The following LIN28B variants were observed in gnomAD, a reference collection of about 807,000 sequenced individuals.
The protein encoded by LIN28B is lin-28 RNA binding posttranscriptional regulator B, also known as protein lin-28 homolog B.
A neutral mutation model predicts 21.9 loss-of-function variants in LIN28B; 5 were observed. That is an observed-to-expected ratio of 0.23 (90% confidence interval 0.12 to 0.48). The LOEUF (loss-of-function observed/expected upper bound fraction) is 0.48, where lower values mean the gene tolerates loss of function less well. Ranked by LOEUF, LIN28B falls within the 20% of genes least tolerant of loss-of-function variation. The probability of loss-of-function intolerance (pLI) is 0.98; values close to 1 mark genes in which losing one functional copy is unlikely to be tolerated. For synonymous variants in LIN28B, 109 were observed against 111.3 expected, an observed-to-expected ratio of 0.98 and a Z score of 0.13; for missense variants, 245 against 310.5, an observed-to-expected ratio of 0.79 and a Z score of 1.58.
chr6:104,950,998 AT>A (rs1778214537), intron 3 of LIN28B, among the ~76,000 whole-genome samples: 1 of 152,144 alleles, frequency 6.6e-6, no homozygotes, highest in Non-Finnish European at 1.5e-5. Context: ...AATTTTTCTT[AT>A]CTAGGAAGCT....
chr6:104,997,139 G>A (rs998215202), intron 2 of LIN28B, among the ~76,000 whole-genome samples: 1 of 151,976 alleles, frequency 6.6e-6, no homozygotes, highest in African/African-American at 2.4e-5. Flanking sequence ...AAATTAGCTG[G>A]GCATGGTGGC....
intron 3 of LIN28B, among the ~76,000 whole-genome samples, chr6:105,076,614 G>T (rs13211658): frequency 0.51 from 77,263 of 151,338 alleles, 20,923 homozygotes; most frequent in Non-Finnish European, 0.61. Context: ...CACTTTTTTT[G>T]TTGTTGTTGT....
upstream of LIN28B, among the ~76,000 whole-genome samples, chr6:104,956,172 T>A (rs1778286985): frequency 6.7e-6 from 1 of 150,342 alleles, no homozygotes; most frequent in African/African-American, 2.5e-5. Flanking sequence ...CTCTCCCACC[T>A]CTTTCTTTGA....
At chr6:104,971,071 A>G (rs1357952944) in intron 2 of LIN28B, among the ~76,000 whole-genome samples, 1 of 152,130 alleles carries the variant, frequency 6.6e-6, no homozygotes, top group East Asian at 1.9e-4. Flanking sequence ...TTTAAATTCT[A>G]TTTTAGTGAA....
rs1263032941 is a variant in LIN28B, at chr6:104,991,355, C to T, written c.198+33069C>T. ...CTCAGAGTGGGCGGCCGGGCAGAGACGCTCCTCACCTCCCAGACGGGGTCG... is the reference window on the plus strand; with the variant it reads ...CTCAGAGTGGGCGGCCGGGCAGAGATGCTCCTCACCTCCCAGACGGGGTCG... On this transcript the variant is annotated intron_variant, in intron 2 of 3. Transcript: ENST00000345080. Among the ~76,000 whole-genome samples, 6 of 147,808 alleles carry T rather than the reference C, an allele frequency of 4.1e-5. No homozygotes were observed. In the South Asian group the frequency reaches 6.5e-4, roughly 16 times the overall value.
Position 105,080,659 on chromosome 6 carries a change from G to T in LIN28B, c.*1876G>T, listed in dbSNP as rs1772527819. The T allele has an allele frequency of 6.6e-6, 1 of 152,642 alleles. No homozygotes were observed. 9.5% of individuals were successfully genotyped at this position (152,642 alleles called of 1,614,324 possible). A position where few individuals can be genotyped will look rare whatever the true frequency, so the allele number is the denominator to read the frequency against. ...GTAGAGAAGTACTTCCTTGCCTTATGTGAGGATTTCAAACTTATTTAAATT... is the reference window on the plus strand; with the variant it reads ...GTAGAGAAGTACTTCCTTGCCTTATTTGAGGATTTCAAACTTATTTAAATT... On this transcript the variant is annotated 3_prime_UTR_variant, in exon 4 of 4. Coordinates refer to ENST00000345080, the MANE Select transcript of LIN28B (RefSeq NM_001004317.4).
intron 2 of LIN28B, among the ~76,000 whole-genome samples, chr6:104,947,194 G>C (rs1778166256): frequency 6.6e-6 from 1 of 152,052 alleles, no homozygotes; most frequent in Admixed American, 6.6e-5. Flanking sequence ...GCGGGATCTT[G>C]GCTCACTGCA....
chr6:105,006,146 T>A (rs993902950), intron 2 of LIN28B, among the ~76,000 whole-genome samples: 1 of 152,166 alleles, frequency 6.6e-6, no homozygotes, highest in African/African-American at 2.4e-5. Flanking sequence ...CTTTTTGGTG[T>A]ATGACATTTT....
At chr6:105,039,776 T>C (rs1018382085) in intron 3 of LIN28B, among the ~76,000 whole-genome samples, 2 of 152,166 alleles carry the variant, frequency 1.3e-5, no homozygotes, top group African/African-American at 4.8e-5. Context: ...TTTGATGCTA[T>C]TTTGAATGAA....
chr6:105,051,118 GA>G (rs893992992), intron 3 of LIN28B, among the ~76,000 whole-genome samples: 1 of 150,888 alleles, frequency 6.6e-6, no homozygotes, highest in Non-Finnish European at 1.5e-5. Flanking sequence ...ATATCTAAAA[GA>G]AAAAAATGTA....
upstream of LIN28B, among the ~76,000 whole-genome samples, chr6:104,956,613 AT>A (rs1778294116): frequency 6.6e-6 from 1 of 152,178 alleles, no homozygotes; most frequent in Admixed American, 6.5e-5. Context: ...TAGATCTTTT[AT>A]AAATTATATA....
intron 2 of LIN28B, among the ~76,000 whole-genome samples, chr6:105,011,583 C>T (rs1224733100): frequency 1.3e-5 from 2 of 152,194 alleles, no homozygotes; most frequent in Non-Finnish European, 2.9e-5. Context: ...AGCAACTGCT[C>T]TTGTTAAAAA....
intron 2 of LIN28B, among the ~76,000 whole-genome samples, chr6:105,020,584 G>T (rs1179997325): frequency 1.3e-5 from 2 of 151,818 alleles, no homozygotes; most frequent in Admixed American, 6.6e-5. Flanking sequence ...CTCCCAAAGT[G>T]CTGGGATTAC....
At chr6:104,974,239 C>G (rs1437742228) in intron 2 of LIN28B, among the ~76,000 whole-genome samples, 1 of 151,924 alleles carries the variant, frequency 6.6e-6, no homozygotes, top group Non-Finnish European at 1.5e-5. Flanking sequence ...ACCCGTAATC[C>G]TAGCACTTTG....
chr6:105,034,874 C>T (rs1450808511), intron 3 of LIN28B, among the ~76,000 whole-genome samples: 1 of 152,010 alleles, frequency 6.6e-6, no homozygotes, highest in African/African-American at 2.4e-5. Context: ...TCAGTGTGGG[C>T]TTCCTTATTG....
chr6:104,967,426 A>G (rs1355884221), intron 2 of LIN28B, among the ~76,000 whole-genome samples: 3 of 151,618 alleles, frequency 2.0e-5, no homozygotes, highest in Admixed American at 6.6e-5. Context: ...CTAAAAATAC[A>G]AAAAATTAGA....
chr6:104,999,704 G>A (rs1281511020), intron 2 of LIN28B, among the ~76,000 whole-genome samples: 9 of 151,724 alleles, frequency 5.9e-5, no homozygotes, highest in Admixed American at 5.3e-4. Flanking sequence ...TTTTGGAGAC[G>A]GAGTTCGTTC....
chr6:104,962,355 T>C (rs1278540005), intron 2 of LIN28B, among the ~76,000 whole-genome samples: 1 of 152,082 alleles, frequency 6.6e-6, no homozygotes, highest in African/African-American at 2.4e-5. Flanking sequence ...CCTTTATTCA[T>C]CTTCATTTAC....
intron 3 of LIN28B, among the ~76,000 whole-genome samples, chr6:105,054,325 T>A (rs925111592): frequency 6.6e-6 from 1 of 152,250 alleles, no homozygotes; most frequent in Non-Finnish European, 1.5e-5. Flanking sequence ...TGCTATAAAA[T>A]GTAACAATGC....
Sources: allele counts gnomAD v4.1 joint callset (sites outside exome capture counted in the v4.1 genomes callset), GRCh38; gene constraint gnomAD v4.1.1; transcripts MANE v1.5; gene names NCBI Gene and HGNC (gene_info 2026-07-23, HGNC 2026-07-21).